The following FRMD5 variants were observed in gnomAD, a reference collection of about 807,000 sequenced individuals.
FRMD5 encodes FERM domain-containing protein 5.
A neutral mutation model predicts 69.0 loss-of-function variants in FRMD5; 20 were observed. The ratio of observed to expected loss-of-function variants is 0.29; its 90% CI spans 0.20 to 0.42. The LOEUF is 0.42. Ranked by LOEUF, FRMD5 falls within the 10% of genes least tolerant of loss-of-function variation. The pLI, the probability that FRMD5 is intolerant of heterozygous loss-of-function variation, is 1.00. For synonymous variants in FRMD5, 271 were observed against 260.1 expected, an observed-to-expected ratio of 1.04 and a Z score of -0.40; for missense variants, 595 against 708.6, an observed-to-expected ratio of 0.84 and a Z score of 1.82.
intron 1 of FRMD5, among the ~76,000 whole-genome samples, chr15:44,071,281 C>T (rs1444130835): frequency 6.6e-6 from 1 of 152,038 alleles, no homozygotes; most frequent in Non-Finnish European, 1.5e-5. Flanking sequence ...CAGAATAGAA[C>T]ACAAAACTAA....
At chr15:44,144,167 G>A (rs1326964421) in intron 1 of FRMD5, among the ~76,000 whole-genome samples, 1 of 151,918 alleles carries the variant, frequency 6.6e-6, no homozygotes, top group Non-Finnish European at 1.5e-5. Flanking sequence ...TTTCCTTCTC[G>A]TCTTCTTTTT....
At chr15:43,903,201 T>C (rs1224161121) in intron 6 of FRMD5, among the ~76,000 whole-genome samples, 4 of 152,238 alleles carry the variant, frequency 2.6e-5, no homozygotes, top group Non-Finnish European at 5.9e-5. Context: ...AAAGCAGATA[T>C]ACTTCTACAG....
At position 44,065,974 on chromosome 15, in the gene FRMD5, G is replaced by C. The variant is rs538142099; in HGVS notation, c.102+128979C>G. On this transcript the variant is annotated intron_variant, in intron 1 of 13. Coordinates refer to ENST00000417257, the MANE Select transcript of FRMD5 (RefSeq NM_032892.5). ...ACTTTTTTTTTACTCTTAATGTTTT[G>C]AGATTAAAGAGTAAATATGCTATGC... Among the ~76,000 whole-genome samples, 6 of 151,952 alleles carry C rather than the reference G, an allele frequency of 3.9e-5. No individual in the cohort carries two copies. In the South Asian group the frequency reaches 1.3e-3, roughly 32 times the overall value.
chr15:44,008,459 T>G (rs1296641397), intron 1 of FRMD5, among the ~76,000 whole-genome samples: 2 of 151,538 alleles, frequency 1.3e-5, no homozygotes, highest in African/African-American at 2.4e-5. Context: ...AGAGATGTGG[T>G]TTCCTCATGA....
At chr15:43,931,335 G>C (rs2089671087) in intron 1 of FRMD5, among the ~76,000 whole-genome samples, 1 of 152,070 alleles carries the variant, frequency 6.6e-6, no homozygotes, top group African/African-American at 2.4e-5. Context: ...AAAACTCATT[G>C]CTTTGTATTT....
chr15:43,970,539 G>A (rs1477027184), intron 1 of FRMD5, among the ~76,000 whole-genome samples: 1 of 152,110 alleles, frequency 6.6e-6, no homozygotes, highest in African/African-American at 2.4e-5. Flanking sequence ...GTATGATCTT[G>A]GCTCACTGCA....
intron 13 of FRMD5, among the ~76,000 whole-genome samples, chr15:43,880,642 C>T (rs531537610): frequency 9.8e-5 from 15 of 152,356 alleles, no homozygotes; most frequent in African/African-American, 2.9e-4. Context: ...GTTTTACCTG[C>T]GCTGTCCTGC....
intron 5 of FRMD5, among the ~76,000 whole-genome samples, chr15:43,906,217 C>T (rs1487319724): frequency 6.6e-6 from 1 of 152,156 alleles, no homozygotes; most frequent in Non-Finnish European, 1.5e-5. Context: ...GAGGTCACCA[C>T]AAGTAAATTT....
At chr15:43,909,651 C>T (rs1328422459) in intron 5 of FRMD5, among the ~76,000 whole-genome samples, 1 of 151,806 alleles carries the variant, frequency 6.6e-6, no homozygotes, top group East Asian at 2.0e-4. Flanking sequence ...GGCTAACTTT[C>T]GTATTTTTAG....
intron 7 of FRMD5, among the ~76,000 whole-genome samples, chr15:43,901,259 G>A (rs1385048006): frequency 6.6e-6 from 1 of 152,190 alleles, no homozygotes; most frequent in Admixed American, 6.5e-5. Flanking sequence ...CCAGAACTGT[G>A]AGACAATAGA....
chr15:44,022,251 G>A (rs1194444872), intron 1 of FRMD5, among the ~76,000 whole-genome samples: 1 of 151,994 alleles, frequency 6.6e-6, no homozygotes, highest in East Asian at 1.9e-4. Flanking sequence ...TTTATGTTAT[G>A]TATATTTTAA....
At chr15:44,043,267 A>G (rs907853259) in intron 1 of FRMD5, among the ~76,000 whole-genome samples, 10 of 152,098 alleles carry the variant, frequency 6.6e-5, no homozygotes, top group East Asian at 3.9e-4. Context: ...GCTCAAGGAA[A>G]TAAGAGAGGA....
chr15:43,984,143 C>A (rs1168442541), intron 1 of FRMD5, among the ~76,000 whole-genome samples: 1 of 152,168 alleles, frequency 6.6e-6, no homozygotes, highest in Non-Finnish European at 1.5e-5. Flanking sequence ...CATGAACTTA[C>A]ACAACATATC....
intron 10 of FRMD5, 100 bp downstream of exon 10, chr15:43,888,075 G>C: frequency 1.1e-6 from 1 of 874,416 alleles, no homozygotes; most frequent in Non-Finnish European, 1.8e-6. Flanking sequence ...CCCACTTCCA[G>C]CTACCCCGCC....
chr15:44,162,021 A>C lies in FRMD5; in HGVS notation c.102+32932T>G, dbSNP rs113050228. 4.0e-3 allele frequency among the ~76,000 whole-genome samples: 601 copies of C among 152,088 alleles called. 5 individuals are homozygous for C. The highest frequency in any genetic ancestry group is 0.014 in the African/African-American group (562 of 41,490). On this transcript the variant is annotated intron_variant, in intron 1 of 13. Transcript: ENST00000417257. ...TCCTAGTGCCCTAGGCTGGAGTACA[A>C]TGGCACAATCTTGGCTCACTGCAAC...
At chr15:44,149,076 TTA>T (rs1417243348) in intron 1 of FRMD5, among the ~76,000 whole-genome samples, 1 of 152,156 alleles carries the variant, frequency 6.6e-6, no homozygotes, top group African/African-American at 2.4e-5. Flanking sequence ...AAGATTTAGT[TTA>T]TGTTTTGGCA....
At position 44,016,798 on chromosome 15, in the gene FRMD5, G is replaced by C. The variant is rs117385957; in HGVS notation, c.103-92489C>G. Among the ~76,000 whole-genome samples, 142 of 150,312 alleles carry C rather than the reference G, an allele frequency of 9.4e-4. No homozygotes were observed. In the East Asian group the frequency reaches 0.027, roughly 28 times the overall value. On this transcript the variant is annotated intron_variant, in intron 1 of 13. Coordinates refer to ENST00000417257, the MANE Select transcript of FRMD5 (RefSeq NM_032892.5). ...CAATTTTATAAATAGAGTGGCCTTG[G>C]ATAATAAGAGATAATAATAATAACT...
intron 1 of FRMD5, among the ~76,000 whole-genome samples, chr15:44,161,249 T>C (rs1392496224): frequency 6.6e-6 from 1 of 152,212 alleles, no homozygotes; most frequent in Non-Finnish European, 1.5e-5. Flanking sequence ...TCAAAAAAGT[T>C]CAACTGCTGC....
chr15:44,112,581 C>T (rs558278151), intron 1 of FRMD5, among the ~76,000 whole-genome samples: 1 of 152,122 alleles, frequency 6.6e-6, no homozygotes, highest in Admixed American at 6.5e-5. Context: ...ATTCTCCTGC[C>T]TCAGCCTCCG....
Sources: allele counts gnomAD v4.1 joint callset (sites outside exome capture counted in the v4.1 genomes callset), GRCh38; gene constraint gnomAD v4.1.1; transcripts MANE v1.5; gene names NCBI Gene and HGNC (gene_info 2026-07-23, HGNC 2026-07-21).